The following FMN2 variants were observed in gnomAD, a reference collection of about 807,000 sequenced individuals.
The protein encoded by FMN2 is formin 2.
In FMN2, 51 loss-of-function variants were observed where a neutral mutation model predicts 142.3. The ratio of observed to expected loss-of-function variants is 0.36; its 90% CI spans 0.29 to 0.45. The LOEUF (loss-of-function observed/expected upper bound fraction) is 0.45, where lower values mean the gene tolerates loss of function less well. Among genes scored for constraint, FMN2 ranks in the 20% least tolerant of loss-of-function variants. The probability of loss-of-function intolerance (pLI) is 1.00; values close to 1 mark genes in which losing one functional copy is unlikely to be tolerated. For synonymous variants in FMN2, 882 were observed against 869.8 expected (o/e 1.01, Z -0.25); for missense variants, 1,936 against 2,122.8 (o/e 0.91, Z 1.73).
At chr1:240,187,077 C>G (rs1334848739) in intron 3 of FMN2, among the ~76,000 whole-genome samples, 1 of 141,652 alleles carries the variant, frequency 7.1e-6, no homozygotes, top group Non-Finnish European at 1.5e-5. Flanking sequence ...CCAGCCTGGC[C>G]AACATGGTGA....
Position 240,139,124 on chromosome 1 carries a change from C to A in FMN2, c.1782+15779C>A, listed in dbSNP as rs575926784. ...CCAATGATGCCGGTCGGGGACCACACTTTAAGAAGTGCTGCCTTAGAGGGT... is the reference window on the plus strand; with the variant it reads ...CCAATGATGCCGGTCGGGGACCACAATTTAAGAAGTGCTGCCTTAGAGGGT... On this transcript the variant is annotated intron_variant, in intron 2 of 17. Transcript: ENST00000319653. Among the ~76,000 whole-genome samples the A allele has an allele frequency of 4.6e-5, 7 of 152,290 alleles. No individual in the cohort carries two copies. In the South Asian group the frequency reaches 1.2e-3, roughly 27 times the overall value.
intron 1 of FMN2, among the ~76,000 whole-genome samples, chr1:240,099,081 C>T (rs1033216967): frequency 2.6e-5 from 4 of 152,022 alleles, no homozygotes; most frequent in Non-Finnish European, 5.9e-5. Context: ...CAAATTAATA[C>T]TATTAAGATG....
intron 15 of FMN2, among the ~76,000 whole-genome samples, chr1:240,395,566 T>G (rs1673746428): frequency 6.6e-6 from 1 of 152,184 alleles, no homozygotes; most frequent in Non-Finnish European, 1.5e-5. Context: ...AACAGGAGTT[T>G]GGAAGAAGTT....
At chr1:240,201,998 T>G (rs2103373998) in intron 4 of FMN2, among the ~76,000 whole-genome samples, 1 of 152,306 alleles carries the variant, frequency 6.6e-6, no homozygotes. Context: ...ATTTGAATGT[T>G]GTTGTAGAGA....
At chr1:240,240,105 G>A (rs1460263058) in intron 6 of FMN2, among the ~76,000 whole-genome samples, 1 of 152,118 alleles carries the variant, frequency 6.6e-6, no homozygotes, top group African/African-American at 2.4e-5. Context: ...ATAACACAGG[G>A]CGTTAAGGAA....
At chr1:240,131,447 G>A (rs377713932) in intron 2 of FMN2, among the ~76,000 whole-genome samples, 12 of 152,066 alleles carry the variant, frequency 7.9e-5, no homozygotes, top group South Asian at 2.1e-4. Context: ...TGGCTCACAC[G>A]CCTGTAATCC....
intron 8 of FMN2, among the ~76,000 whole-genome samples, chr1:240,305,959 T>TTGTTTTTTTG (rs1670377593): frequency 6.6e-6 from 1 of 150,458 alleles, no homozygotes; most frequent in African/African-American, 2.5e-5. Flanking sequence ...AAGTTTTTTT[T>TTGTTTTTTTG]TTTTTTTTGA....
At chr1:240,159,023 C>T (rs763047116) in intron 2 of FMN2, among the ~76,000 whole-genome samples, 5 of 152,082 alleles carry the variant, frequency 3.3e-5, no homozygotes, top group Non-Finnish European at 4.4e-5. Flanking sequence ...AACTGTTTCC[C>T]GTTCAACCTG....
At chr1:240,213,939 G>A (rs1666788628) in intron 6 of FMN2, among the ~76,000 whole-genome samples, 3 of 152,074 alleles carry the variant, frequency 2.0e-5, no homozygotes, top group Admixed American at 6.5e-5. Flanking sequence ...GGAGAAAGAG[G>A]GTTATTTTCT....
chr1:240,130,812 A>AT (rs1227877108), intron 2 of FMN2, among the ~76,000 whole-genome samples: 1 of 151,736 alleles, frequency 6.6e-6, no homozygotes, highest in Non-Finnish European at 1.5e-5. Flanking sequence ...CATTCTTGCC[A>AT]TTTCATGGAA....
At chr1:240,456,721 G>T (rs1421380052) in intron 16 of FMN2, among the ~76,000 whole-genome samples, 1 of 152,186 alleles carries the variant, frequency 6.6e-6, no homozygotes, top group Non-Finnish European at 1.5e-5. Context: ...CTCCCAAAGT[G>T]CTGGAATCGT....
At chr1:240,136,930 G>T (rs541215140) in intron 2 of FMN2, among the ~76,000 whole-genome samples, 1 of 152,060 alleles carries the variant, frequency 6.6e-6, no homozygotes, top group Non-Finnish European at 1.5e-5. Context: ...AATTAGCTGG[G>T]CGTGGTGTGG....
chr1:240,259,911 T>TC (rs1277956937), intron 7 of FMN2, among the ~76,000 whole-genome samples: 1 of 152,096 alleles, frequency 6.6e-6, no homozygotes, highest in African/African-American at 2.4e-5. Context: ...CTCCCACCCT[T>TC]CCACCAAGTC....
At chr1:240,127,835 A>G (rs1662575154) in intron 2 of FMN2, among the ~76,000 whole-genome samples, 1 of 152,168 alleles carries the variant, frequency 6.6e-6, no homozygotes, top group Non-Finnish European at 1.5e-5. Context: ...AGAAGCAGGA[A>G]GGCAGGTGGG....
chr1:240,267,632 T>TAAAA (rs60539167), intron 7 of FMN2, among the ~76,000 whole-genome samples: 2 of 140,570 alleles, frequency 1.4e-5, no homozygotes, highest in Non-Finnish European at 3.1e-5. Flanking sequence ...CCCCTGAACT[T>TAAAA]AAAAAAAAAA....
intron 2 of FMN2, among the ~76,000 whole-genome samples, chr1:240,131,429 G>A (rs185190143): frequency 2.6e-5 from 4 of 152,206 alleles, no homozygotes; most frequent in Middle Eastern, 3.4e-3. Flanking sequence ...TCTATAGGTC[G>A]GGTGCGGTGG....
chr1:240,220,529 G>A (rs72764374), intron 6 of FMN2, among the ~76,000 whole-genome samples: 7,777 of 152,066 alleles, frequency 0.051, 278 homozygotes, highest in Non-Finnish European at 0.075. Context: ...TAGGGAGGGT[G>A]TGAATACACA....
intron 7 of FMN2, among the ~76,000 whole-genome samples, chr1:240,268,878 A>G (rs1174673146): frequency 1.3e-5 from 2 of 151,842 alleles, no homozygotes; most frequent in South Asian, 2.1e-4. Context: ...TCCTTTGCCC[A>G]TTTTCAATAG....
chr1:240,226,835 T>TAC (rs1190160042), intron 6 of FMN2, among the ~76,000 whole-genome samples: 10 of 141,996 alleles, frequency 7.0e-5, no homozygotes, highest in Non-Finnish European at 1.1e-4. Flanking sequence ...CACACACACA[T>TAC]ACACACACAC....
Sources: allele counts gnomAD v4.1 joint callset (sites outside exome capture counted in the v4.1 genomes callset), GRCh38; gene constraint gnomAD v4.1.1; transcripts MANE v1.5; gene names NCBI Gene and HGNC (gene_info 2026-07-23, HGNC 2026-07-21).